The following CCND3 variants were observed in gnomAD, a reference collection of about 807,000 sequenced individuals.
CCND3 encodes the protein G1/S-specific cyclin-D3.
A neutral mutation model predicts 28.7 loss-of-function variants in CCND3; 9 were observed. The observed-to-expected ratio is 0.31, with a 90% CI of 0.19 to 0.55. CCND3 has a LOEUF of 0.55. Among genes scored for constraint, CCND3 ranks in the 20% least tolerant of loss-of-function variants. The pLI, the probability that CCND3 is intolerant of heterozygous loss-of-function variation, is 0.93. For synonymous variants in CCND3, 164 were observed against 163.9 expected (o/e 1.00, Z 0.00); for missense variants, 315 against 385.8 (o/e 0.82, Z 1.54).
At chr6:42,036,404 T>TATATATATATATATATATA (rs1554168369) in intron 1 of CCND3, among the ~76,000 whole-genome samples, 2 of 20,990 alleles carry the variant, frequency 9.5e-5, no homozygotes, top group African/African-American at 3.8e-4. Context: ...TATATATATA[T>TATATATATATATATATATA]TTTTTTTTTT....
At chr6:41,944,629 C>T (rs1308534608), upstream of CCND3, among the ~76,000 whole-genome samples, 2 of 152,046 alleles carry the variant, frequency 1.3e-5, no homozygotes, top group Non-Finnish European at 2.9e-5. Flanking sequence ...ACCATGTTGG[C>T]CAGGCTGGTC....
Position 42,026,596 on chromosome 6 carries a change from G to T in CCND3, c.-46+21905C>A, listed in dbSNP as rs1040209598. ...AGGCTCCCCATACCCTTCTCATCTA[G>T]ATCTCATGGCAAAGATTGCCAACTG... On this transcript the variant is annotated intron_variant, in intron 1 of 4. Transcript: ENST00000372988. Among the ~76,000 whole-genome samples, 4 of 152,122 alleles carry T rather than the reference G, an allele frequency of 2.6e-5. No individual in the cohort carries two copies. In the East Asian group the frequency reaches 7.7e-4, roughly 29 times the overall value.
intron 1 of CCND3, among the ~76,000 whole-genome samples, chr6:42,045,763 T>C (rs748623893): frequency 6.6e-6 from 1 of 152,226 alleles, no homozygotes; most frequent in South Asian, 2.1e-4. Context: ...GATAAACACA[T>C]CTACTGCTCA....
At chr6:41,959,098 T>C (rs2127403248) in intron 1 of CCND3, among the ~76,000 whole-genome samples, 1 of 152,076 alleles carries the variant, frequency 6.6e-6, no homozygotes, top group Non-Finnish European at 1.5e-5. Flanking sequence ...GTGGATCACC[T>C]GAGGTCAGGA....
intron 1 of CCND3, among the ~76,000 whole-genome samples, chr6:41,989,259 G>A (rs368876466): frequency 6.6e-6 from 1 of 151,912 alleles, no homozygotes; most frequent in Admixed American, 6.6e-5. Flanking sequence ...AGGAGTTCGA[G>A]ATCGGCCTGG....
At chr6:41,996,597 A>G (rs1269583867) in intron 1 of CCND3, among the ~76,000 whole-genome samples, 5 of 151,758 alleles carry the variant, frequency 3.3e-5, no homozygotes, top group Non-Finnish European at 7.4e-5. Flanking sequence ...ACCATTTATC[A>G]TAGTTTATAG....
intron 1 of CCND3, among the ~76,000 whole-genome samples, chr6:42,038,205 A>G (rs987967668): frequency 4.6e-5 from 7 of 151,898 alleles, no homozygotes; most frequent in African/African-American, 1.7e-4. Flanking sequence ...CCTTATTCAC[A>G]TTTTTACCTC....
upstream of CCND3, among the ~76,000 whole-genome samples, chr6:41,945,613 A>G (rs1160428074): frequency 6.6e-6 from 1 of 152,204 alleles, no homozygotes; most frequent in African/African-American, 2.4e-5. Context: ...AGTTACCTTC[A>G]GACCCATTGA....
intron 1 of CCND3, among the ~76,000 whole-genome samples, chr6:42,013,931 G>C (rs1020945345): frequency 3.3e-5 from 5 of 152,076 alleles, no homozygotes; most frequent in African/African-American, 1.2e-4. Context: ...AATTAGCTGG[G>C]CGTGGTGGTG....
chr6:41,991,120 G>A (rs528516673), intron 1 of CCND3, among the ~76,000 whole-genome samples: 10 of 151,192 alleles, frequency 6.6e-5, no homozygotes, highest in East Asian at 2.0e-4. Flanking sequence ...GTGCAATGGC[G>A]TGATCTCAGC....
intron 1 of CCND3, among the ~76,000 whole-genome samples, chr6:41,998,069 A>C (rs4714537): frequency 0.98 from 148,092 of 151,184 alleles, 72,593 homozygotes; most frequent in East Asian, 1. Context: ...CAAGCAGATC[A>C]CTTGAGGTCA....
chr6:41,939,808 G>A lies in CCND3; in HGVS notation c.414+562C>T, dbSNP rs560405758. On this transcript the variant is annotated intron_variant, in intron 2 of 4. Coordinates refer to ENST00000372991, the MANE Select transcript of CCND3 (RefSeq NM_001760.5). The surrounding 1 kb of genome is among the most constrained non-coding windows in gnomAD (Gnocchi z 4.2). ...GGATTAGGAAGAAGCTGTTTCTTCC[G>A]GGATATAAGAGGAAGCAAAGAAGGT... 1.1e-4 allele frequency among the ~76,000 whole-genome samples: 16 copies of A among 152,256 alleles called. 1 individual carries two copies. In the East Asian group the frequency reaches 2.7e-3, roughly 26 times the overall value.
intron 1 of CCND3, among the ~76,000 whole-genome samples, chr6:42,008,898 T>C (rs1763253799): frequency 6.6e-6 from 1 of 152,156 alleles, no homozygotes; most frequent in Non-Finnish European, 1.5e-5. Context: ...TCCCTATAAT[T>C]GGCAGGAAAG....
At chr6:41,950,702 CT>C (rs888575063) in intron 1 of CCND3, among the ~76,000 whole-genome samples, 14 of 145,384 alleles carry the variant, frequency 9.6e-5, no homozygotes, top group African/African-American at 2.0e-4. Flanking sequence ...AGAAGACTCC[CT>C]TTTTTTTTTC....
At position 41,935,621 on chromosome 6, in the gene CCND3, G is replaced by GT. The variant is rs1775751888; in HGVS notation, c.*318_*319insA. 3 of 470,660 alleles carry GT rather than the reference G, an allele frequency of 6.4e-6. No individual in the cohort carries two copies. The highest frequency in any genetic ancestry group is 1.1e-5 in the Non-Finnish European group (3 of 263,336). The allele number at this position is 470,660 out of a possible 1,614,324, so 29.2% of individuals were successfully genotyped here. On this transcript the variant is annotated 3_prime_UTR_variant, in exon 5 of 5. Coordinates refer to ENST00000372991, the MANE Select transcript of CCND3 (RefSeq NM_001760.5). ...AAACATGAGAGCCCCCAGGGGTGGG[G>GT]GGGGGCGTTCAAAAGGAATGCTGGT...
At chr6:42,026,295 A>T (rs1426435052) in intron 1 of CCND3, among the ~76,000 whole-genome samples, 2 of 151,272 alleles carry the variant, frequency 1.3e-5, no homozygotes, top group Non-Finnish European at 2.9e-5. Flanking sequence ...CCCCCTGCCA[A>T]GGGGAAAATA....
At chr6:42,047,900 T>C (rs1764592080) in intron 1 of CCND3, 1 of 152,330 alleles carries the variant, frequency 6.6e-6, no homozygotes, top group African/African-American at 2.4e-5. Context: ...GTGATCCATA[T>C]TAGCTGTGGA....
At chr6:41,948,567 G>A (rs548934190) in intron 1 of CCND3, among the ~76,000 whole-genome samples, 4 of 152,072 alleles carry the variant, frequency 2.6e-5, no homozygotes, top group South Asian at 4.1e-4. Flanking sequence ...GGCTGGGCGC[G>A]GTGGCTCACG....
chr6:41,991,219 C>T (rs1022605254), intron 1 of CCND3, among the ~76,000 whole-genome samples: 70 of 152,078 alleles, frequency 4.6e-4, no homozygotes, highest in African/African-American at 1.4e-3. Context: ...GCACCACACC[C>T]GGCTAATTTT....
Sources: allele counts gnomAD v4.1 joint callset (sites outside exome capture counted in the v4.1 genomes callset), GRCh38; gene constraint gnomAD v4.1.1; non-coding constraint Gnocchi (gnomAD v3.1); transcripts MANE v1.5; gene names NCBI Gene and HGNC (gene_info 2026-07-23, HGNC 2026-07-21).